The following MYO5B variants were observed in gnomAD, a reference collection of about 807,000 sequenced individuals.
MYO5B encodes myosin VB.
MYO5B carries 143 observed loss-of-function variants against 229.3 expected under a neutral mutation model. That is an observed-to-expected ratio of 0.62 (90% CI 0.54 to 0.72). The LOEUF (loss-of-function observed/expected upper bound fraction) is 0.72, where lower values mean the gene tolerates loss of function less well. Ranked by LOEUF, MYO5B falls within the 30% of genes least tolerant of loss-of-function variation. The pLI, the probability that MYO5B is intolerant of heterozygous loss-of-function variation, is 0.00. For missense variants in MYO5B, 2,321 were observed against 2,331.0 expected, an observed-to-expected ratio of 1.00 and a Z score of 0.09; for synonymous variants, 918 against 885.2, an observed-to-expected ratio of 1.04 and a Z score of -0.66.
rs116329503 is a variant in MYO5B, at chr18:50,159,820, A to G, written c.27+34947T>C. 4.2e-3 allele frequency among the ~76,000 whole-genome samples: 640 copies of G among 152,160 alleles called. 4 individuals are homozygous for G. The highest frequency in any genetic ancestry group is 0.014 in the African/African-American group (569 of 41,492). On this transcript the variant is annotated intron_variant, in intron 1 of 39. Coordinates refer to ENST00000285039, the MANE Select transcript of MYO5B (RefSeq NM_001080467.3). ...GCATCCTCCCCAGCACCCCCACGCCACTGATATCATGCTGCACATTCCGTG... is the reference window on the plus strand; with the variant it reads ...GCATCCTCCCCAGCACCCCCACGCCGCTGATATCATGCTGCACATTCCGTG...
intron 27 of MYO5B, among the ~76,000 whole-genome samples, chr18:49,867,805 T>C (rs896434497): frequency 6.6e-6 from 1 of 152,180 alleles, no homozygotes; most frequent in Non-Finnish European, 1.5e-5. Context: ...CCGTGTTCCA[T>C]AAAACAAGCT....
At chr18:49,985,355 G>T (rs1347898818) in intron 7 of MYO5B, among the ~76,000 whole-genome samples, 2 of 152,146 alleles carry the variant, frequency 1.3e-5, no homozygotes, top group Non-Finnish European at 2.9e-5. Flanking sequence ...TTACATGTTT[G>T]CTGTCATCCC....
chr18:49,918,857 C>G (rs9956347), intron 17 of MYO5B, among the ~76,000 whole-genome samples: 2,596 of 152,230 alleles, frequency 0.017, 81 homozygotes, highest in African/African-American at 0.06. Flanking sequence ...AAGAGTTTCC[C>G]TTGGAAGTGT....
rs370548179 is a variant in MYO5B at position 49,902,674 on chromosome 18, G to A, written c.2731C>T (p.Arg911Cys). The change falls in exon 21 of 40, where the codon CGC becomes TGC. Residue 911 changes from arginine (R) to cysteine (C), a missense_variant. Coordinates refer to ENST00000285039, the MANE Select transcript of MYO5B (RefSeq NM_001080467.3). Reference sequence around the variant, plus strand: ...AGACGTTTCAGATGCTCTGCTGAGCGGGCCTCAATCCTGAGGGCCTTCAGC... The same window carrying A: ...AGACGTTTCAGATGCTCTGCTGAGCAGGCCTCAATCCTGAGGGCCTTCAGC... ...RELKALRIEARSAEHLKRLNV... is the reference protein window; with the variant it reads ...RELKALRIEACSAEHLKRLNV... 5.2e-5 allele frequency: 84 copies of A among 1,613,096 alleles called. No homozygotes were observed. Among genetic ancestry groups the A allele is most frequent in the Admixed American group, 3.0e-4 (18 of 60,026 alleles).
intron 32 of MYO5B, 146 bp from the exon 33 acceptor site, chr18:49,847,435 G>C: frequency 1.0e-6 from 1 of 995,058 alleles, no homozygotes; most frequent in Non-Finnish European, 1.5e-6. Context: ...TGGGGCAGGG[G>C]GCATACTGGG....
intron 12 of MYO5B, among the ~76,000 whole-genome samples, chr18:49,957,226 T>G (rs1362977466): frequency 8.9e-6 from 1 of 112,426 alleles, no homozygotes; most frequent in Non-Finnish European, 1.8e-5. Flanking sequence ...CAATGTTCCC[T>G]GTGGATCTCT....
Position 50,184,390 on chromosome 18 carries a change from C to A in MYO5B, c.27+10377G>T, listed in dbSNP as rs117777881. ...GGGAGAGTTGCAGGGCAGTGCTAGG[C>A]AGAAAGGACCCTCTATATTAGGGCC... On this transcript the variant is annotated intron_variant, in intron 1 of 39. Transcript: ENST00000285039. Among the ~76,000 whole-genome samples, 5 of 152,210 alleles carry A rather than the reference C, an allele frequency of 3.3e-5. No individual in the cohort carries two copies. The East Asian group carries it at 5.8e-4, about 18-fold the overall frequency.
chr18:50,036,245 C>CA (rs2026447320), intron 4 of MYO5B, among the ~76,000 whole-genome samples: 1 of 152,208 alleles, frequency 6.6e-6, no homozygotes, highest in African/African-American at 2.4e-5. Flanking sequence ...GCCCATCACC[C>CA]AACCCATTTT....
At chr18:49,851,390 T>A (rs972362343) in intron 31 of MYO5B, among the ~76,000 whole-genome samples, 1 of 152,202 alleles carries the variant, frequency 6.6e-6, no homozygotes, top group Non-Finnish European at 1.5e-5. Context: ...GGGAATTATA[T>A]AGAGCTATGC....
At chr18:50,180,762 A>G (rs1394705019) in intron 1 of MYO5B, among the ~76,000 whole-genome samples, 1 of 152,240 alleles carries the variant, frequency 6.6e-6, no homozygotes, top group Non-Finnish European at 1.5e-5. Flanking sequence ...ATAAGTGGAA[A>G]CATACACTTA....
At chr18:49,926,930 T>C (rs1485434278) in intron 17 of MYO5B, among the ~76,000 whole-genome samples, 1 of 152,142 alleles carries the variant, frequency 6.6e-6, no homozygotes, top group African/African-American at 2.4e-5. Flanking sequence ...AAAGGACAAA[T>C]ACTGTATTAA....
intron 1 of MYO5B, among the ~76,000 whole-genome samples, chr18:50,107,951 C>G (rs1469810716): frequency 6.6e-6 from 1 of 152,176 alleles, no homozygotes; most frequent in Non-Finnish European, 1.5e-5. Flanking sequence ...GTTACCCAGG[C>G]TGGATGGAGT....
chr18:50,163,035 T>C (rs2032793126), intron 1 of MYO5B, among the ~76,000 whole-genome samples: 1 of 152,218 alleles, frequency 6.6e-6, no homozygotes, highest in South Asian at 2.1e-4. Flanking sequence ...TTCATGCAAC[T>C]GTAGCTAATA....
At chr18:50,046,086 G>C (rs1447465681) in intron 2 of MYO5B, among the ~76,000 whole-genome samples, 7 of 152,168 alleles carry the variant, frequency 4.6e-5, no homozygotes. Context: ...CATGGAACCA[G>C]AAGATCTAGA....
intron 1 of MYO5B, among the ~76,000 whole-genome samples, chr18:50,110,510 A>C (rs570581260): frequency 6.6e-6 from 1 of 152,202 alleles, no homozygotes; most frequent in South Asian, 2.1e-4. Flanking sequence ...CACATTACTG[A>C]AAAGTACCAG....
chr18:49,914,115 C>G (rs1194008744), intron 17 of MYO5B, among the ~76,000 whole-genome samples: 1 of 152,186 alleles, frequency 6.6e-6, no homozygotes, highest in East Asian at 1.9e-4. Flanking sequence ...GGGCACTGAG[C>G]TGGTTAACAC....
In MYO5B at chr18:49,864,342, A is replaced by G. The variant is rs751626055; in HGVS notation, c.3642T>C (p.Asn1214=). 2 of 1,614,006 alleles carry G rather than the reference A, an allele frequency of 1.2e-6. No homozygotes were observed. Among genetic ancestry groups the G allele is most frequent in the Non-Finnish European group, 1.7e-6 (2 of 1,180,038 alleles). ...CGGCTTTCCTCAGCTCATTCAGGTC[A>G]TTCTTCAGCTTTTTGTTCTCTGACT... The part of the protein sequence containing the change: ...ELESENKKLK[N]DLNELRKAVA... Residue 1214 remains asparagine (N), a synonymous_variant, in exon 28 of 40, where the codon AAT becomes AAC. Transcript: ENST00000285039.
chr18:50,017,910 A>G (rs1477767711), intron 4 of MYO5B, among the ~76,000 whole-genome samples: 2 of 152,320 alleles, frequency 1.3e-5, no homozygotes, highest in East Asian at 3.9e-4. Context: ...TTGCCTATAG[A>G]AATTTTCAAG....
At chr18:49,934,221 G>T (rs2025225323) in intron 16 of MYO5B, among the ~76,000 whole-genome samples, 1 of 152,066 alleles carries the variant, frequency 6.6e-6, no homozygotes, top group South Asian at 2.1e-4. Flanking sequence ...GAGAGCAAAA[G>T]ACTAGCTTGC....
Sources: allele counts gnomAD v4.1 joint callset (sites outside exome capture counted in the v4.1 genomes callset), GRCh38; gene constraint gnomAD v4.1.1; transcripts MANE v1.5; gene names NCBI Gene and HGNC (gene_info 2026-07-23, HGNC 2026-07-21).